The following SNX8 variants were observed in gnomAD, a reference collection of about 807,000 sequenced individuals.
SNX8 encodes sorting nexin 8.
Under a neutral mutation model 51.6 loss-of-function variants are expected in SNX8, and 25 were observed. That is an observed-to-expected ratio of 0.48 (90% CI 0.35 to 0.68). The LOEUF (loss-of-function observed/expected upper bound fraction) is 0.68, where lower values mean the gene tolerates loss of function less well. Among genes scored for constraint, SNX8 ranks in the 30% least tolerant of loss-of-function variants. SNX8 has a pLI of 0.00. For missense variants in SNX8, 695 were observed against 624.0 expected (o/e 1.11, Z -1.21); for synonymous variants, 324 against 277.0 (o/e 1.17, Z -1.68).
At chr7:2,325,903 A>G (rs1333421358) in intron 1 of SNX8, among the ~76,000 whole-genome samples, 1 of 152,182 alleles carries the variant, frequency 6.6e-6, no homozygotes, top group Non-Finnish European at 1.5e-5. Context: ...GAAACTGGAG[A>G]AAGGGGGACC....
intron 1 of SNX8, among the ~76,000 whole-genome samples, chr7:2,289,863 C>T (rs982600360): frequency 6.6e-6 from 1 of 152,180 alleles, no homozygotes; most frequent in Non-Finnish European, 1.5e-5. Flanking sequence ...AGCCACTACG[C>T]TCCTGCCTGG....
chr7:2,347,113 C>T lies in SNX8; in HGVS notation c.-66+7109G>A, dbSNP rs189971734. Among the ~76,000 whole-genome samples the T allele has an allele frequency of 5.3e-5, 8 of 151,986 alleles. No individual in the cohort carries two copies. The East Asian group carries it at 1.5e-3, about 29-fold the overall frequency. ...CCTGAGGTAGGAGAATTACTTGAGG[C>T]CAGAAGTTCAAGACCAGCTGGGGCA... is the stretch of plus-strand genomic sequence containing the variant. On this transcript the variant is annotated intron_variant, in intron 1 of 5. Transcript: ENST00000435336.
At chr7:2,345,795 G>T (rs1299247157) in intron 1 of SNX8, among the ~76,000 whole-genome samples, 3 of 152,016 alleles carry the variant, frequency 2.0e-5, no homozygotes, top group South Asian at 4.1e-4. Context: ...TGGGCAAAGG[G>T]TATTATTTCT....
At chr7:2,262,231 G>C (rs1260273203) in intron 7 of SNX8, among the ~76,000 whole-genome samples, 1 of 152,088 alleles carries the variant, frequency 6.6e-6, no homozygotes, top group South Asian at 2.1e-4. Flanking sequence ...ATAGAGATGA[G>C]ATCTTGCTCT....
At chr7:2,304,309 C>G (rs935003445) in intron 1 of SNX8, among the ~76,000 whole-genome samples, 35 of 152,016 alleles carry the variant, frequency 2.3e-4, no homozygotes, top group Non-Finnish European at 4.1e-4. Flanking sequence ...CTTTGGGAGG[C>G]CAAGGTGGGC....
rs531213536 is a variant in SNX8 at position 2,284,979 on chromosome 7, G to A, written c.95-6674C>T. On this transcript the variant is annotated intron_variant, in intron 1 of 10. Coordinates refer to ENST00000222990, the MANE Select transcript of SNX8 (RefSeq NM_013321.4). The stretch of plus-strand genomic sequence containing the variant: ...GTAAATCCCAGCACTTTTGGAGGCT[G>A]AGGTGGGCGGATCACAAGGTCAGGA... Among the ~76,000 whole-genome samples the A allele has an allele frequency of 2.0e-5, 3 of 152,074 alleles. No individual in the cohort carries two copies. The East Asian group carries it at 5.9e-4, about 30-fold the overall frequency.
upstream of SNX8, among the ~76,000 whole-genome samples, chr7:2,315,950 CCACTCACT>C (rs548074132): frequency 6.2e-5 from 9 of 144,556 alleles, no homozygotes; most frequent in Non-Finnish European, 1.4e-4. Context: ...ATTCATTCAT[CCACTCACT>C]CACTCACTGC....
intron 1 of SNX8, among the ~76,000 whole-genome samples, chr7:2,303,286 G>C (rs13224637): frequency 6.9e-6 from 1 of 144,132 alleles, no homozygotes; most frequent in Non-Finnish European, 1.5e-5. Context: ...GGAGGTGGGG[G>C]GGTCAGCCCC....
At chr7:2,262,817 G>A (rs546331543) in intron 7 of SNX8, among the ~76,000 whole-genome samples, 69 of 152,302 alleles carry the variant, frequency 4.5e-4, no homozygotes, top group African/African-American at 1.6e-3. Context: ...TCATTCACTC[G>A]GCTCAGAACT....
At chr7:2,297,423 G>A (rs1002950386) in intron 1 of SNX8, among the ~76,000 whole-genome samples, 9 of 151,160 alleles carry the variant, frequency 6.0e-5, no homozygotes, top group Admixed American at 5.9e-4. Context: ...GGTGGCACAT[G>A]CCTATAATCC....
chr7:2,306,127 G>A (rs1048515142), intron 1 of SNX8, among the ~76,000 whole-genome samples: 12 of 151,208 alleles, frequency 7.9e-5, no homozygotes, highest in Admixed American at 3.3e-4. Context: ...TGCCCAACCC[G>A]GGACAAGTCA....
intron 1 of SNX8, among the ~76,000 whole-genome samples, chr7:2,339,038 A>C (rs1778877489): frequency 6.6e-6 from 1 of 152,070 alleles, no homozygotes; most frequent in Non-Finnish European, 1.5e-5. Context: ...CAGCCTCCCC[A>C]GTAGCTAGAA....
At position 2,278,185 on chromosome 7, in the gene SNX8, A is replaced by T; in HGVS notation, c.215T>A (p.Leu72Gln). The T allele has an allele frequency of 6.2e-7, 1 of 1,614,068 alleles. No individual in the cohort carries two copies. Among genetic ancestry groups the T allele is most frequent in the Non-Finnish European group, 8.5e-7 (1 of 1,179,982 alleles). ...LLLSHTLQEL[L>Q]ARDTVQVELI... ...CTCCACCTGCACGGTGTCCCTGGCC[A>T]GCAGCTCCTGCAGGGTGTGGGACAG... The change falls in exon 2 of 11, where the codon CTG (leucine) becomes CAG (glutamine). Residue 72 changes from leucine (L) to glutamine (Q), a missense_variant. Transcript: ENST00000222990.
At chr7:2,264,115 A>T (rs967688247) in intron 6 of SNX8, among the ~76,000 whole-genome samples, 183 bp downstream of exon 6, 2 of 152,074 alleles carry the variant, frequency 1.3e-5, no homozygotes, top group Admixed American at 6.6e-5. Flanking sequence ...TCAGGGCCGA[A>T]ATTCTCCCGT....
At chr7:2,351,615 G>A (rs775630544) in intron 1 of SNX8, among the ~76,000 whole-genome samples, 7 of 151,698 alleles carry the variant, frequency 4.6e-5, no homozygotes, top group African/African-American at 7.3e-5. Context: ...GGCGGATCAC[G>A]AGGTCAGGAG....
chr7:2,316,576 T>C (rs1584735782), upstream of SNX8, among the ~76,000 whole-genome samples: 1 of 145,982 alleles, frequency 6.9e-6, no homozygotes, highest in East Asian at 2.0e-4. Flanking sequence ...GCATCCTGCA[T>C]TCATTCATTC....
intron 7 of SNX8, among the ~76,000 whole-genome samples, chr7:2,259,183 C>G (rs1347581055): frequency 6.6e-6 from 1 of 152,184 alleles, no homozygotes; most frequent in African/African-American, 2.4e-5. Flanking sequence ...GAAGCGGCAG[C>G]CCATCCACCC....
intron 1 of SNX8, among the ~76,000 whole-genome samples, chr7:2,340,292 G>A (rs111434423): frequency 6.0e-5 from 9 of 149,116 alleles, no homozygotes; most frequent in Non-Finnish European, 7.4e-5. Context: ...GGCTGGTCTC[G>A]AACTCCCGAC....
At position 2,323,016 on chromosome 7, in the gene SNX8, C is replaced by CCAAA. The variant is rs144907209; in HGVS notation, c.-66+31205_-66+31206insTTTG. Among the ~76,000 whole-genome samples, 511 of 150,744 alleles carry CCAAA rather than the reference C, an allele frequency of 3.4e-3. 6 individuals carry two copies. Among genetic ancestry groups the CCAAA allele is most frequent in the African/African-American group, 0.012 (480 of 40,866 alleles). On this transcript the variant is annotated intron_variant, in intron 1 of 5. Coordinates refer to the SNX8 transcript ENST00000435336. ...TGGGCAACAGAACAAGACTCTGTCT[C>CCAAA]TAAATAAATAAATAAATAAATAAAT...
Sources: gnomAD v4.1 joint callset for allele counts (sites outside exome capture counted in the v4.1 genomes callset) on GRCh38, gnomAD v4.1.1 for gene constraint, MANE v1.5 for transcripts, NCBI Gene and HGNC (gene_info 2026-07-23, HGNC 2026-07-21) for gene names.